The following DOCK7 variants were observed in gnomAD, a reference collection of about 807,000 sequenced individuals.
DOCK7 encodes dedicator of cytokinesis protein 7.
Under a neutral mutation model 271.0 loss-of-function variants are expected in DOCK7, and 138 were observed. The ratio of observed to expected loss-of-function variants is 0.51; its 90% confidence interval spans 0.44 to 0.59. DOCK7 has a LOEUF of 0.59. Among genes scored for constraint, DOCK7 ranks in the 20% least tolerant of loss-of-function variants. DOCK7 has a pLI of 0.00. For missense variants in DOCK7, 2,066 were observed against 2,592.4 expected, an observed-to-expected ratio of 0.80 and a Z score of 4.41; for synonymous variants, 823 against 876.1, an observed-to-expected ratio of 0.94 and a Z score of 1.07.
chr1:62,634,233 T>C (rs887388490), intron 9 of DOCK7: 4 of 152,212 alleles, frequency 2.6e-5, no homozygotes, highest in African/African-American at 7.2e-5. Flanking sequence ...CTATAAAACA[T>C]TGCTGAGAGA....
intron 31 of DOCK7, among the ~76,000 whole-genome samples, chr1:62,514,644 GATAATA>G (rs1204292613): frequency 6.6e-6 from 1 of 151,568 alleles, no homozygotes; most frequent in Non-Finnish European, 1.5e-5. Context: ...AAATACAGAT[GATAATA>G]ATAATAATAA....
At chr1:62,497,558 T>G (rs1646658944) in intron 37 of DOCK7, among the ~76,000 whole-genome samples, 1 of 152,190 alleles carries the variant, frequency 6.6e-6, no homozygotes, top group South Asian at 2.1e-4. Context: ...ATACCATAAA[T>G]CCAAATCCAC....
At chr1:62,683,237 G>T (rs1661366438) in intron 1 of DOCK7, among the ~76,000 whole-genome samples, 1 of 152,188 alleles carries the variant, frequency 6.6e-6, no homozygotes. Context: ...AAGAATTAGT[G>T]AGATGAGTAC....
In DOCK7 at chr1:62,641,498, G is replaced by A. The variant is rs187113521; in HGVS notation, c.819-4895C>T. The stretch of plus-strand genomic sequence containing the variant: ...CATGGTCCACCAAAAGAGGTGGCTG[G>A]GGGCTTGGAAATGGTAGGGTCCTCA... On this transcript the variant is annotated intron_variant, in intron 7 of 49. Coordinates refer to ENST00000635253, the MANE Select transcript of DOCK7 (RefSeq NM_001367561.1). 148 of 445,702 alleles carry A rather than the reference G, an allele frequency of 3.3e-4. 1 individual carries two copies. Among genetic ancestry groups the A allele is most frequent in the African/African-American group, 2.4e-3 (119 of 50,028 alleles). 27.6% of individuals were successfully genotyped at this position (445,702 alleles called of 1,614,324 possible). A position where few individuals can be genotyped will look rare whatever the true frequency, so the allele number is the denominator to read the frequency against.
intron 35 of DOCK7, among the ~76,000 whole-genome samples, chr1:62,507,311 G>A (rs1452165930): frequency 6.6e-6 from 1 of 152,168 alleles, no homozygotes; most frequent in Non-Finnish European, 1.5e-5. Flanking sequence ...TAACTGATTT[G>A]AATCCTGGCT....
intron 48 of DOCK7, among the ~76,000 whole-genome samples, chr1:62,468,178 T>C (rs1163720763): frequency 2.0e-5 from 3 of 151,898 alleles, no homozygotes. Flanking sequence ...CTGGCCAGCA[T>C]GGTGAAACCC....
At chr1:62,531,238 A>C (rs536898392) in intron 29 of DOCK7, among the ~76,000 whole-genome samples, 1 of 152,350 alleles carries the variant, frequency 6.6e-6, no homozygotes, top group South Asian at 2.1e-4. Flanking sequence ...GGTATGCCTT[A>C]TCTCTCAGCA....
chr1:62,591,103 A>G (rs983025651), intron 14 of DOCK7, among the ~76,000 whole-genome samples: 1 of 152,196 alleles, frequency 6.6e-6, no homozygotes, highest in Non-Finnish European at 1.5e-5. Flanking sequence ...AAGCCCATCA[A>G]TGACAGACTG....
At chr1:62,539,936 AACAATT>A in intron 25 of DOCK7, 44 bp from the exon 26 acceptor site, 1 of 1,335,738 alleles carries the variant, frequency 7.5e-7, no homozygotes, top group Non-Finnish European at 1.0e-6. Context: ...GAATATATTT[AACAATT>A]ACAACAACTC....
At chr1:62,646,155 C>CAAA in intron 7 of DOCK7, among the ~76,000 whole-genome samples, 1 of 111,220 alleles carries the variant, frequency 9.0e-6, no homozygotes, top group Non-Finnish European at 1.8e-5. Context: ...GACTCCGTCT[C>CAAA]AAAAAAAAAA....
chr1:62,541,535 T>C (rs1050304627), intron 25 of DOCK7, among the ~76,000 whole-genome samples: 1 of 152,222 alleles, frequency 6.6e-6, no homozygotes, highest in East Asian at 1.9e-4. Flanking sequence ...ACATTTATGA[T>C]GATCCACTTC....
intron 16 of DOCK7, among the ~76,000 whole-genome samples, chr1:62,581,434 G>A (rs1205103584): frequency 1.3e-5 from 2 of 152,086 alleles, no homozygotes; most frequent in Non-Finnish European, 2.9e-5. Flanking sequence ...AAAATGGAGA[G>A]TAAGAAAGAC....
chr1:62,688,012 C>T (rs1662028283), intron 1 of DOCK7, among the ~76,000 whole-genome samples: 2 of 151,912 alleles, frequency 1.3e-5, no homozygotes, highest in South Asian at 2.1e-4. Flanking sequence ...CGAGGCTCAG[C>T]GGCGGGCGCG....
At chr1:62,461,015 G>A (rs1645508632) in intron 48 of DOCK7, 1 of 152,088 alleles carries the variant, frequency 6.6e-6, no homozygotes, top group Admixed American at 6.6e-5. Context: ...TAAGTTTTTA[G>A]ATTAAAAGAT....
rs528359006 is a variant in DOCK7, at chr1:62,646,682, C to T, written c.818+1009G>A. 3.3e-5 allele frequency among the ~76,000 whole-genome samples: 5 copies of T among 152,288 alleles called. No individual in the cohort carries two copies. The South Asian group carries it at 1.0e-3, about 32-fold the overall frequency. On this transcript the variant is annotated intron_variant, in intron 7 of 49. Coordinates refer to ENST00000635253, the MANE Select transcript of DOCK7 (RefSeq NM_001367561.1). Reference sequence around the variant, plus strand: ...TGGCACCCTGATCTTTGACTTCTAGCCTCTACAACTCTGAGAAATAAATTT... The same window carrying T: ...TGGCACCCTGATCTTTGACTTCTAGTCTCTACAACTCTGAGAAATAAATTT...
At chr1:62,524,192 G>GT (rs1644932628) in intron 31 of DOCK7, among the ~76,000 whole-genome samples, 1 of 152,120 alleles carries the variant, frequency 6.6e-6, no homozygotes. Flanking sequence ...GACCAGATTG[G>GT]CAAAAATTTA....
chr1:62,496,361 C>T lies in DOCK7; in HGVS notation c.4901G>A (p.Arg1634Lys), dbSNP rs746701705. 1.4e-5 allele frequency: 22 copies of T among 1,612,922 alleles called. No individual in the cohort carries two copies. The highest frequency in any genetic ancestry group is 4.0e-5 in the African/African-American group (3 of 74,844). ...LTYAEEDLEL[R>K]ETTFPDQVQD... ...GACCTGATCAGGAAATGTTGTTTCC[C>T]TCAATTCCAGATCTTCTTCAGCATA... Residue 1634 changes from arginine (R) to lysine (K), a missense_variant, in exon 38 of 50, where the codon AGG becomes AAG. Arg to Lys is a conservative substitution (Grantham distance 26). Coordinates refer to ENST00000635253, the MANE Select transcript of DOCK7 (RefSeq NM_001367561.1).
Position 62,586,534 on chromosome 1 carries a change from A to G in DOCK7, c.1773T>C (p.Tyr591=), listed in dbSNP as rs1280598275. 7 of 1,611,978 alleles carry G rather than the reference A, an allele frequency of 4.3e-6. No homozygotes were observed. Among genetic ancestry groups the G allele is most frequent in the Admixed American group, 1.7e-5 (1 of 59,882 alleles). Residue 591 remains tyrosine (Y), a synonymous_variant, in exon 15 of 50, where the codon TAT becomes TAC. Coordinates refer to ENST00000635253, the MANE Select transcript of DOCK7 (RefSeq NM_001367561.1). ...RNITVKVQFM[Y]GEDPSNAMPV... ...GCATGGCATTGCTTGGATCCTCTCC[A>G]TACATAAACTGGACTTTCACTGTTA...
At chr1:62,657,972 T>C (rs1658223227) in intron 2 of DOCK7, among the ~76,000 whole-genome samples, 2 of 151,364 alleles carry the variant, frequency 1.3e-5, no homozygotes, top group Non-Finnish European at 2.9e-5. Flanking sequence ...TCCTAGAAAG[T>C]GAGAAAAAAG....
Sources: gnomAD v4.1 joint callset for allele counts (sites outside exome capture counted in the v4.1 genomes callset) on GRCh38, gnomAD v4.1.1 for gene constraint, MANE v1.5 for transcripts, NCBI Gene and HGNC (gene_info 2026-07-23, HGNC 2026-07-21) for gene names.